Variants in PTK2 observed in about 807,000 individuals in gnomAD.
PTK2 encodes the protein focal adhesion kinase 1.
In PTK2, 45 loss-of-function variants were observed where a neutral mutation model predicts 150.1. That is an observed-to-expected ratio of 0.30 (90% CI 0.24 to 0.38). The LOEUF (loss-of-function observed/expected upper bound fraction) is 0.38. Among genes scored for constraint, PTK2 ranks in the 10% least tolerant of loss-of-function variants. The pLI is 1.00. For synonymous variants in PTK2, 432 were observed against 449.2 expected, an observed-to-expected ratio of 0.96 and a Z score of 0.48; for missense variants, 919 against 1,307.3, an observed-to-expected ratio of 0.70 and a Z score of 4.58.
chr8:140,937,009 A>C (rs1258976807), intron 1 of PTK2, among the ~76,000 whole-genome samples: 3 of 152,198 alleles, frequency 2.0e-5, no homozygotes, highest in Non-Finnish European at 4.4e-5. Flanking sequence ...GTTTACTCAC[A>C]AACAGGAAAG....
intron 26 of PTK2, among the ~76,000 whole-genome samples, chr8:140,688,271 C>T (rs1156576999): frequency 6.6e-6 from 1 of 152,162 alleles, no homozygotes; most frequent in African/African-American, 2.4e-5. Context: ...ATCCCTAGTG[C>T]CTGGCACAGT....
Position 140,769,494 on chromosome 8 carries a change from C to T in PTK2, c.1178-5204G>A. 3.0e-6 allele frequency: 3 copies of T among 1,004,594 alleles called. No individual in the cohort carries two copies. In the South Asian group the frequency reaches 4.6e-5, roughly 16 times the overall value. 62.2% of individuals were successfully genotyped at this position (1,004,594 alleles called of 1,614,324 possible). A position where few individuals can be genotyped will look rare whatever the true frequency, so the allele number is the denominator to read the frequency against. On this transcript the variant is annotated intron_variant, in intron 14 of 31. Coordinates refer to ENST00000522684, the Ensembl canonical transcript of PTK2. ...CTGTTGGATCAAAAGCACATTTTGC[C>T]TTTCATTAAATACTAAACTATATTT...
At chr8:140,666,440 G>T in intron 30 of PTK2, among the ~76,000 whole-genome samples, 1 of 145,248 alleles carries the variant, frequency 6.9e-6, no homozygotes, top group South Asian at 2.2e-4. Context: ...GGCCAAAAAA[G>T]AAAAAAAAAA....
chr8:140,668,129 T>C (rs1352854486), intron 30 of PTK2, 140 bp downstream of exon 34: 2 of 945,082 alleles, frequency 2.1e-6, no homozygotes, highest in African/African-American at 1.6e-5. Context: ...TGTCACTGTA[T>C]GGTGCTTTCG....
chr8:140,805,895 C>CAAA (rs2100097912), intron 10 of PTK2, among the ~76,000 whole-genome samples: 1 of 152,192 alleles, frequency 6.6e-6, no homozygotes, highest in Non-Finnish European at 1.5e-5. Context: ...GCATGATTTA[C>CAAA]ATAGCATGAT....
chr8:140,709,204 T>C (rs2100035451), intron 23 of PTK2, among the ~76,000 whole-genome samples: 2 of 152,178 alleles, frequency 1.3e-5, no homozygotes, highest in Non-Finnish European at 2.9e-5. Flanking sequence ...AGCATACTTC[T>C]GACTCACCAA....
chr8:140,659,499 T>G, exon 32 of PTK2: 1 of 1,613,156 alleles, frequency 6.2e-7, no homozygotes, highest in Non-Finnish European at 8.5e-7. Flanking sequence ...GCATTTTCAG[T>G]CTTGCTTGGT....
intron 1 of PTK2, among the ~76,000 whole-genome samples, chr8:140,975,566 C>T (rs1407971206): frequency 6.6e-6 from 1 of 151,840 alleles, no homozygotes; most frequent in African/African-American, 2.4e-5. Flanking sequence ...GGTTCCTGGA[C>T]TAAGAATGAT....
intron 30 of PTK2, among the ~76,000 whole-genome samples, chr8:140,666,283 A>G (rs2091564705): frequency 6.6e-6 from 1 of 152,154 alleles, no homozygotes; most frequent in African/African-American, 2.4e-5. Context: ...GGTTGCAGTG[A>G]ACCAAGATCG....
chr8:140,797,574 CCTA>C (rs2100092461), intron 12 of PTK2, among the ~76,000 whole-genome samples: 1 of 152,150 alleles, frequency 6.6e-6, no homozygotes, highest in South Asian at 2.1e-4. Flanking sequence ...ACACAGAAAA[CCTA>C]CTTACAATTA....
intron 1 of PTK2, among the ~76,000 whole-genome samples, chr8:140,959,881 T>C (rs1301275387): frequency 7.2e-5 from 11 of 151,850 alleles, no homozygotes. Flanking sequence ...CTGGGCATGG[T>C]GGCACATGCC....
chr8:140,776,000 TTTATTA>T (rs960773588), intron 14 of PTK2, among the ~76,000 whole-genome samples: 9 of 151,930 alleles, frequency 5.9e-5, no homozygotes, highest in African/African-American at 2.2e-4. Context: ...CAATCAATAG[TTTATTA>T]TTATTATTAT....
chr8:140,689,448 A>C (rs1226924134), intron 26 of PTK2, among the ~76,000 whole-genome samples: 1 of 152,248 alleles, frequency 6.6e-6, no homozygotes, highest in Non-Finnish European at 1.5e-5. Flanking sequence ...AGATGTGATA[A>C]CTAAATATAA....
chr8:140,748,281 G>C (rs2100060658), intron 17 of PTK2, among the ~76,000 whole-genome samples: 1 of 152,054 alleles, frequency 6.6e-6, no homozygotes, highest in African/African-American at 2.4e-5. Flanking sequence ...ATCACCTGAG[G>C]TCAGGAGTTT....
At chr8:140,886,826 A>C (rs1272525914) in intron 3 of PTK2, among the ~76,000 whole-genome samples, 1 of 152,156 alleles carries the variant, frequency 6.6e-6, no homozygotes, top group Non-Finnish European at 1.5e-5. Context: ...GCTGATGAAA[A>C]GTCTGGTGTA....
intron 16 of PTK2, among the ~76,000 whole-genome samples, 196 bp from the exon 20 acceptor site, chr8:140,752,512 G>C (rs932480422): frequency 6.6e-6 from 1 of 152,178 alleles, no homozygotes; most frequent in Non-Finnish European, 1.5e-5. Flanking sequence ...TCATGCACGT[G>C]AAACATTACA....
chr8:140,803,495 T>C (rs2154594413), intron 11 of PTK2, 48 bp downstream of exon 11: 3 of 1,451,360 alleles, frequency 2.1e-6, no homozygotes, highest in Non-Finnish European at 2.9e-6. Context: ...TTCTAAAACA[T>C]CCCTATTTAA....
intron 21 of PTK2, among the ~76,000 whole-genome samples, chr8:140,735,773 A>C (rs1252936965): frequency 6.6e-6 from 1 of 152,208 alleles, no homozygotes; most frequent in Non-Finnish European, 1.5e-5. Flanking sequence ...AGTAGTTCAA[A>C]AAATGCTGAA....
At chr8:140,662,346 T>C (rs2081659757) in intron 31 of PTK2, among the ~76,000 whole-genome samples, 1 of 152,052 alleles carries the variant, frequency 6.6e-6, no homozygotes, top group Non-Finnish European at 1.5e-5. Flanking sequence ...GGAGAGCAAT[T>C]TGTGTATTGG....
Sources: gnomAD v4.1 joint callset for allele counts (sites outside exome capture counted in the v4.1 genomes callset) on GRCh38, gnomAD v4.1.1 for gene constraint, MANE v1.5 for transcripts, NCBI Gene and HGNC (gene_info 2026-07-23, HGNC 2026-07-21) for gene names.